The following TOR1AIP1 variants were observed in gnomAD, a reference collection of about 807,000 sequenced individuals.
TOR1AIP1 encodes torsin 1A interacting protein 1.
Under a neutral mutation model 63.3 loss-of-function variants are expected in TOR1AIP1, and 54 were observed. The observed-to-expected ratio is 0.85, with a 90% CI of 0.69 to 1.07. The LOEUF is 1.07. Among genes scored for constraint, TOR1AIP1 ranks in the 50% least tolerant of loss-of-function variants. The probability of loss-of-function intolerance (pLI) is 0.00; values close to 1 mark genes in which losing one functional copy is unlikely to be tolerated. For synonymous variants in TOR1AIP1, 294 were observed against 273.5 expected (o/e 1.07, Z -0.74); for missense variants, 736 against 715.0 (o/e 1.03, Z -0.33).
chr1:179,888,107 G>T (rs1345927168), intron 2 of TOR1AIP1: 2 of 152,366 alleles, frequency 1.3e-5, no homozygotes, highest in East Asian at 3.9e-4. Flanking sequence ...ATTGATGTCT[G>T]TAGAGTCAGT....
Position 179,917,629 on chromosome 1 carries a change from G to C in TOR1AIP1, c.1142G>C (p.Gly381Ala). ...AATCAACTTAAGAATAAGTACCAAGGTCAAGATGAGAAGCTGTGGAAAAGG... is the reference window on the plus strand; with the variant it reads ...AATCAACTTAAGAATAAGTACCAAGCTCAAGATGAGAAGCTGTGGAAAAGG... ...QMNQLKNKYQ[G>A]QDEKLWKRSQ... The change falls in exon 10 of 10, where the codon GGT (glycine) becomes GCT (alanine). Residue 381 changes from glycine to alanine, a missense_variant. By Grantham distance (60) the Gly-to-Ala change is moderately conservative (BLOSUM62 0). Around this residue, in one of 2 missense-constraint regions of TOR1AIP1, gnomAD observed 272 missense variants for 344.1 expected, o/e 0.79. Transcript: ENST00000606911. The C allele has an allele frequency of 6.2e-7, 1 of 1,614,110 alleles. No individual in the cohort carries two copies. Among genetic ancestry groups the C allele is most frequent in the Non-Finnish European group, 8.5e-7 (1 of 1,180,020 alleles).
chr1:179,889,412 C>A, intron 3 of TOR1AIP1, 43 bp downstream of exon 3: 1 of 1,504,318 alleles, frequency 6.6e-7, no homozygotes, highest in Non-Finnish European at 9.2e-7. Flanking sequence ...GTTATAAATA[C>A]AGTTTTATTT....
At chr1:179,889,239 G>C (rs1237417680) in intron 2 of TOR1AIP1, 74 bp from the exon 3 acceptor site, 1 of 1,189,770 alleles carries the variant, frequency 8.4e-7, no homozygotes, top group Admixed American at 1.9e-5. Context: ...ATAAATAAGG[G>C]ATGATCATGT....
chr1:179,910,750 T>C, intron 8 of TOR1AIP1, among the ~76,000 whole-genome samples: 1 of 152,194 alleles, frequency 6.6e-6, no homozygotes, highest in Non-Finnish European at 1.5e-5. Context: ...TGTGAAAAGC[T>C]CAGAGGCATC....
intron 6 of TOR1AIP1, among the ~76,000 whole-genome samples, chr1:179,907,608 T>TATATATATATATAC (rs1648684811): frequency 4.4e-5 from 1 of 22,974 alleles, no homozygotes; most frequent in Non-Finnish European, 1.1e-4. Flanking sequence ...TATATATATA[T>TATATATATATATAC]ATATATATAT....
chr1:179,913,861 A>G lies in TOR1AIP1; in HGVS notation c.908-137A>G, dbSNP rs568326611. The G allele has an allele frequency of 7.2e-5, 55 of 766,082 alleles. 1 individual carries two copies. In the South Asian group the frequency reaches 1.0e-3, roughly 14 times the overall value. 47.5% of individuals were successfully genotyped at this position (766,082 alleles called of 1,614,324 possible). On this transcript the variant is annotated intron_variant, in intron 8 of 9. Transcript: ENST00000606911. Reference sequence around the variant, plus strand: ...AGTCTAATCGGCACTCAGATATTCTACTTTTTCTTCTGCTTCTGGCTGATC... The same window carrying G: ...AGTCTAATCGGCACTCAGATATTCTGCTTTTTCTTCTGCTTCTGGCTGATC...
At chr1:179,897,817 G>A (rs966437936) in intron 3 of TOR1AIP1, among the ~76,000 whole-genome samples, 11 of 152,160 alleles carry the variant, frequency 7.2e-5, no homozygotes, top group African/African-American at 2.4e-4. Context: ...CAAAAAATTG[G>A]CCAAGTGCAG....
chr1:179,911,787 G>C (rs1319843372), intron 8 of TOR1AIP1, among the ~76,000 whole-genome samples: 1 of 152,052 alleles, frequency 6.6e-6, no homozygotes, highest in Non-Finnish European at 1.5e-5. Flanking sequence ...ATTGTAATGA[G>C]CTTATATGTG....
At chr1:179,896,674 G>C (rs1429609117) in intron 3 of TOR1AIP1, among the ~76,000 whole-genome samples, 2 of 152,090 alleles carry the variant, frequency 1.3e-5, no homozygotes, top group Non-Finnish European at 2.9e-5. Flanking sequence ...AATTTTGAGG[G>C]ATGAATAGCA....
chr1:179,904,127 G>T, intron 6 of TOR1AIP1, 105 bp downstream of exon 6: 2 of 796,270 alleles, frequency 2.5e-6, no homozygotes, highest in Non-Finnish European at 3.9e-6. Context: ...TGAACAAGAG[G>T]AATAATGAAT....
chr1:179,907,428 CAAAAAA>C (rs765148475), intron 6 of TOR1AIP1, among the ~76,000 whole-genome samples: 1 of 50,698 alleles, frequency 2.0e-5, no homozygotes, highest in African/African-American at 7.4e-5. Context: ...GACCCTGTCT[CAAAAAA>C]AAAAAAAAAA....
intron 6 of TOR1AIP1, among the ~76,000 whole-genome samples, chr1:179,907,397 C>T (rs1648673170): frequency 6.8e-6 from 1 of 147,682 alleles, no homozygotes; most frequent in Non-Finnish European, 1.5e-5. Flanking sequence ...CCACTGCATT[C>T]CAGCCTGGGT....
At chr1:179,915,651 A>T (rs1571739530) in intron 9 of TOR1AIP1, among the ~76,000 whole-genome samples, 1 of 152,130 alleles carries the variant, frequency 6.6e-6, no homozygotes, top group Admixed American at 6.6e-5. Context: ...CCAGCTACTT[A>T]GGAGGCTGAG....
chr1:179,889,802 A>G (rs1031558690), intron 3 of TOR1AIP1, among the ~76,000 whole-genome samples: 9 of 152,020 alleles, frequency 5.9e-5, no homozygotes, highest in Admixed American at 1.3e-4. Context: ...CTATGCATCC[A>G]CCACCACGCC....
rs932369717 is a variant in TOR1AIP1, at chr1:179,895,848, G to A, written c.611-4278G>A. 1.3e-5 allele frequency among the ~76,000 whole-genome samples: 2 copies of A among 152,120 alleles called. 1 individual carries two copies. The highest frequency in any genetic ancestry group is 4.2e-4 in the South Asian group (2 of 4,816). On this transcript the variant is annotated intron_variant, in intron 3 of 9. Coordinates refer to ENST00000606911, the MANE Select transcript of TOR1AIP1 (RefSeq NM_015602.4). ...CCGGGAGAATCACTTGAACCCGGGA[G>A]GCAGAGGTTGCAGTGAGCCGACATT... is the stretch of plus-strand genomic sequence containing the variant.
chr1:179,901,003 G>C (rs1648437841), intron 4 of TOR1AIP1, among the ~76,000 whole-genome samples: 1 of 151,976 alleles, frequency 6.6e-6, no homozygotes, highest in Non-Finnish European at 1.5e-5. Flanking sequence ...TTTTTCCACT[G>C]TTTAACGCTC....
intron 3 of TOR1AIP1, among the ~76,000 whole-genome samples, chr1:179,891,907 C>T (rs7530362): frequency 0.36 from 55,007 of 152,022 alleles, 10,427 homozygotes; most frequent in African/African-American, 0.46. Flanking sequence ...TTGTTCACGG[C>T]GAGTTCAGTG....
At chr1:179,889,726 C>A (rs1648008439) in intron 3 of TOR1AIP1, among the ~76,000 whole-genome samples, 1 of 151,426 alleles carries the variant, frequency 6.6e-6, no homozygotes, top group African/African-American at 2.4e-5. Flanking sequence ...ACAACCAGGG[C>A]TGACTGCAGT....
chr1:179,884,566 C>G, intron 1 of TOR1AIP1, 126 bp from the exon 2 acceptor site: 3 of 705,198 alleles, frequency 4.3e-6, no homozygotes, highest in Non-Finnish European at 4.6e-6. Flanking sequence ...AACCTAACCA[C>G]CTGTTTCTAA....
Sources: gnomAD v4.1 joint callset for allele counts (sites outside exome capture counted in the v4.1 genomes callset) on GRCh38, gnomAD v4.1.1 for gene constraint, gnomAD v4.1.1 regional missense constraint, MANE v1.5 for transcripts, NCBI Gene and HGNC (gene_info 2026-07-23, HGNC 2026-07-21) for gene names.